Variants in NDUFAF6 observed in about 807,000 individuals in gnomAD.
NDUFAF6 encodes the protein NADH:ubiquinone oxidoreductase complex assembly factor 6.
NDUFAF6 carries 45 observed loss-of-function variants against 40.8 expected under a neutral mutation model. The observed-to-expected ratio is 1.10, with a 90% CI of 0.87 to 1.42. The LOEUF is 1.42. Ranked by LOEUF, NDUFAF6 falls within the 40% of genes most tolerant of loss-of-function variation. The pLI, the probability that NDUFAF6 is intolerant of heterozygous loss-of-function variation, is 0.00. For missense variants in NDUFAF6, 435 were observed against 418.5 expected (o/e 1.04, Z -0.34); for synonymous variants, 185 against 155.9 (o/e 1.19, Z -1.39).
chr8:95,022,218 A>G (rs1333984622), upstream of NDUFAF6, among the ~76,000 whole-genome samples: 1 of 152,132 alleles, frequency 6.6e-6, no homozygotes, highest in East Asian at 1.9e-4. Context: ...TAAATTTAAC[A>G]TAGCTGTAAT....
At chr8:95,118,402 A>G (rs898409004), downstream of NDUFAF6, among the ~76,000 whole-genome samples, 1 of 152,186 alleles carries the variant, frequency 6.6e-6, no homozygotes, top group Admixed American at 6.5e-5. Flanking sequence ...TATGTCACAG[A>G]GTGGGAAAGT....
upstream of NDUFAF6, among the ~76,000 whole-genome samples, chr8:94,957,765 A>G (rs924714354): frequency 5.9e-5 from 9 of 152,212 alleles, no homozygotes; most frequent in Non-Finnish European, 1.3e-4. Context: ...CATGAAGGAC[A>G]TCTGAACCCC....
intron 2 of NDUFAF6, among the ~76,000 whole-genome samples, chr8:94,947,307 A>G (rs577474732): frequency 2.0e-5 from 3 of 150,280 alleles, no homozygotes; most frequent in Admixed American, 1.3e-4. Context: ...AAAACCCGCA[A>G]GTTTGATGAT....
chr8:94,914,508 C>G (rs1212777055), intron 1 of NDUFAF6, among the ~76,000 whole-genome samples: 1 of 152,192 alleles, frequency 6.6e-6, no homozygotes, highest in Non-Finnish European at 1.5e-5. Flanking sequence ...TAGTGGCACA[C>G]CCCAGAATAG....
At chr8:94,951,015 A>G (rs1822561746) in intron 2 of NDUFAF6, 1 of 152,194 alleles carries the variant, frequency 6.6e-6, no homozygotes, top group African/African-American at 2.4e-5. Flanking sequence ...TTCCCTTTGA[A>G]TCTGGGCTGA....
chr8:95,064,160 G>T lies in NDUFAF6; in HGVS notation c.*512-11473G>T, dbSNP rs1832643464. On this transcript the variant is annotated intron_variant and NMD_transcript_variant, in intron 9 of 9. Transcript: ENST00000520757. ...CCGCCTCAGCCTCCCAAAGTGCTGG[G>T]ATTACACGCGTGAGTCCCTGCACCC... 2.0e-5 allele frequency among the ~76,000 whole-genome samples: 3 copies of T among 151,286 alleles called. No individual in the cohort carries two copies. In the South Asian group the frequency reaches 6.3e-4, roughly 32 times the overall value.
chr8:95,049,927 G>A (rs1369336768), intron 7 of NDUFAF6, among the ~76,000 whole-genome samples: 1 of 152,196 alleles, frequency 6.6e-6, no homozygotes, highest in African/African-American at 2.4e-5. Context: ...GTAAATACTT[G>A]TGAAATATTA....
intron 2 of NDUFAF6, among the ~76,000 whole-genome samples, chr8:94,985,517 T>TATA (rs1825825875): frequency 8.4e-5 from 1 of 11,838 alleles, no homozygotes; most frequent in Non-Finnish European, 1.7e-4. Context: ...ATATATATAT[T>TATA]TTTTTTTTTT....
chr8:94,930,819 T>G (rs1820322488), intron 1 of NDUFAF6: 1 of 1,385,846 alleles, frequency 7.2e-7, no homozygotes. Context: ...TTTGCCACGC[T>G]AATTTGTTTA....
intron 1 of NDUFAF6, among the ~76,000 whole-genome samples, chr8:94,931,555 C>T (rs1036233931): frequency 6.6e-6 from 1 of 150,390 alleles, no homozygotes; most frequent in African/African-American, 2.5e-5. Flanking sequence ...CACATTCTGC[C>T]TAAAATCACT....
At chr8:94,948,832 G>A (rs944033641) in intron 2 of NDUFAF6, among the ~76,000 whole-genome samples, 4 of 152,176 alleles carry the variant, frequency 2.6e-5, no homozygotes, top group Middle Eastern at 3.4e-3. Context: ...CCACGCTCGG[G>A]GGAGGAGGCA....
chr8:95,034,112 C>T (rs1356108484), intron 2 of NDUFAF6: 1 of 457,542 alleles, frequency 2.2e-6, no homozygotes, highest in South Asian at 1.5e-5. Flanking sequence ...AGTAACTTCA[C>T]ATATGGAAAA....
chr8:95,114,662 A>G (rs1810089326), intron 4 of NDUFAF6, among the ~76,000 whole-genome samples: 1 of 152,180 alleles, frequency 6.6e-6, no homozygotes, highest in Non-Finnish European at 1.5e-5. Context: ...CCACTGTTCT[A>G]TAATCTCTTT....
intron 4 of NDUFAF6, among the ~76,000 whole-genome samples, chr8:95,043,962 A>C (rs950334655): frequency 2.0e-5 from 3 of 152,254 alleles, no homozygotes; most frequent in African/African-American, 7.2e-5. Context: ...AACATTATTC[A>C]TGAAAGCCCG....
At chr8:94,913,896 A>G (rs1488976440) in intron 1 of NDUFAF6, among the ~76,000 whole-genome samples, 1 of 152,072 alleles carries the variant, frequency 6.6e-6, no homozygotes, top group Admixed American at 6.5e-5. Context: ...AGCTTAAGCG[A>G]TTCTCCTGCC....
At chr8:95,070,859 A>T (rs945978450) in intron 9 of NDUFAF6, among the ~76,000 whole-genome samples, 13 of 152,288 alleles carry the variant, frequency 8.5e-5, no homozygotes, top group African/African-American at 3.1e-4. Flanking sequence ...GTTTTGAAGC[A>T]TATCTCCCAT....
chr8:94,964,447 AG>A (rs1353033899), intron 1 of NDUFAF6, among the ~76,000 whole-genome samples: 4 of 150,294 alleles, frequency 2.7e-5, no homozygotes, highest in Non-Finnish European at 5.9e-5. Flanking sequence ...AAAAAAAAAA[AG>A]GAGGAATACC....
Position 95,053,627 on chromosome 8 carries a change from C to CTTT in NDUFAF6, c.873+1398_873+1400dup, listed in dbSNP as rs200115852. Among the ~76,000 whole-genome samples, 1,241 of 151,306 alleles carry CTTT rather than the reference C, an allele frequency of 8.2e-3. 20 individuals carry two copies. Among genetic ancestry groups the CTTT allele is most frequent in the African/African-American group, 0.028 (1,131 of 41,054 alleles). On this transcript the variant is annotated intron_variant, in intron 8 of 8. Transcript: ENST00000396124. ...TCCCGTTTTACTTTTCTTTCTTTTT[C>CTTT]TTTCTTTTTTTTTTTGGAGGCAGAT...
chr8:95,019,339 A>G (rs1563792222), intron 2 of NDUFAF6, among the ~76,000 whole-genome samples: 1 of 152,262 alleles, frequency 6.6e-6, no homozygotes. Context: ...AAAGCAAACA[A>G]TAGTATTTTC....
Sources: gnomAD v4.1 joint callset for allele counts (sites outside exome capture counted in the v4.1 genomes callset) on GRCh38, gnomAD v4.1.1 for gene constraint, MANE v1.5 for transcripts, NCBI Gene and HGNC (gene_info 2026-07-23, HGNC 2026-07-21) for gene names.